Variants in ANKRD44 observed in about 807,000 individuals in gnomAD.
ANKRD44 encodes ankyrin repeat domain 44.
Under a neutral mutation model 116.0 loss-of-function variants are expected in ANKRD44, and 35 were observed. The observed-to-expected ratio is 0.30, with a 90% CI of 0.23 to 0.40. The LOEUF is 0.40. ANKRD44 is among the 10% of genes least tolerant of loss of function. The pLI is 1.00. For missense variants in ANKRD44, 1,014 were observed against 1,242.6 expected, an observed-to-expected ratio of 0.82 and a Z score of 2.77; for synonymous variants, 435 against 461.8, an observed-to-expected ratio of 0.94 and a Z score of 0.74.
intron 16 of ANKRD44, among the ~76,000 whole-genome samples, chr2:197,040,147 G>A (rs970316593): frequency 1.3e-5 from 2 of 150,248 alleles, no homozygotes; most frequent in Admixed American, 6.7e-5. Flanking sequence ...GCTGAGGCAG[G>A]AGAATCACTT....
chr2:197,070,247 A>T (rs950224941), intron 16 of ANKRD44, among the ~76,000 whole-genome samples: 1 of 152,034 alleles, frequency 6.6e-6, no homozygotes, highest in African/African-American at 2.4e-5. Context: ...TTTCTTCCCT[A>T]ATTGTTCTGG....
intron 1 of ANKRD44, among the ~76,000 whole-genome samples, chr2:197,227,610 C>A (rs1881408): frequency 0.6 from 90,596 of 150,096 alleles, 28,866 homozygotes; most frequent in African/African-American, 0.83. Flanking sequence ...CCAAAAAAAA[C>A]AAAAATCCTT....
At chr2:197,278,864 A>G (rs2083181723) in intron 1 of ANKRD44, among the ~76,000 whole-genome samples, 1 of 152,242 alleles carries the variant, frequency 6.6e-6, no homozygotes, top group South Asian at 2.1e-4. Context: ...GAGCAGAAAC[A>G]GGCGGTGTGG....
chr2:197,047,621 G>A (rs1258511132), intron 16 of ANKRD44, among the ~76,000 whole-genome samples: 1 of 152,128 alleles, frequency 6.6e-6, no homozygotes, highest in Non-Finnish European at 1.5e-5. Context: ...GAATTTAAGA[G>A]TGTTGGTGGG....
At chr2:197,140,577 T>G (rs1272373252) in intron 3 of ANKRD44, among the ~76,000 whole-genome samples, 1 of 152,166 alleles carries the variant, frequency 6.6e-6, no homozygotes, top group Non-Finnish European at 1.5e-5. Flanking sequence ...TATTTCAGCC[T>G]TCTAATGTTC....
intron 17 of ANKRD44, among the ~76,000 whole-genome samples, chr2:197,024,388 G>T (rs900339608): frequency 6.6e-6 from 1 of 152,192 alleles, no homozygotes; most frequent in Non-Finnish European, 1.5e-5. Flanking sequence ...GCAGCACCAA[G>T]GGCACGTGAG....
intron 16 of ANKRD44, among the ~76,000 whole-genome samples, chr2:197,054,842 G>A (rs1459375590): frequency 2.0e-5 from 3 of 152,182 alleles, no homozygotes; most frequent in African/African-American, 7.2e-5. Flanking sequence ...AATGTTTAGA[G>A]GCCATAGAAT....
intron 1 of ANKRD44, among the ~76,000 whole-genome samples, chr2:197,229,530 A>G (rs2081805958): frequency 6.6e-6 from 1 of 152,210 alleles, no homozygotes; most frequent in Non-Finnish European, 1.5e-5. Flanking sequence ...AACAATAACT[A>G]GTTTCTCATT....
chr2:197,271,664 C>T (rs527520126), intron 1 of ANKRD44, among the ~76,000 whole-genome samples: 79 of 152,286 alleles, frequency 5.2e-4, no homozygotes, highest in East Asian at 7.7e-4. Context: ...GAGACAGGGT[C>T]TCGCTCTGTT....
rs148609309 is a variant in ANKRD44, at chr2:197,141,046, G to A, written c.191-4384C>T. 3.9e-3 allele frequency among the ~76,000 whole-genome samples: 587 copies of A among 152,018 alleles called. 5 individuals carry two copies. The highest frequency in any genetic ancestry group is 0.013 in the African/African-American group (533 of 41,368). ...AACCTGGCCAACATGGTGAAACCCCGTCTCCACTAAAGATACAAAAATTAG... is the reference window on the plus strand; with the variant it reads ...AACCTGGCCAACATGGTGAAACCCCATCTCCACTAAAGATACAAAAATTAG... On this transcript the variant is annotated intron_variant, in intron 3 of 27. Coordinates refer to ENST00000282272, the MANE Select transcript of ANKRD44 (RefSeq NM_001195144.2).
intron 9 of ANKRD44, among the ~76,000 whole-genome samples, chr2:197,109,065 C>T (rs1370380247): frequency 2.0e-5 from 3 of 152,122 alleles, no homozygotes; most frequent in Non-Finnish European, 1.5e-5. Flanking sequence ...GATGAACCTG[C>T]GGGGAAGGCA....
chr2:197,138,477 C>T (rs1389884625), intron 3 of ANKRD44, among the ~76,000 whole-genome samples: 1 of 152,178 alleles, frequency 6.6e-6, no homozygotes, highest in East Asian at 1.9e-4. Flanking sequence ...AATAAAATTA[C>T]CACTACCAAA....
rs114681078 is a variant in ANKRD44 at position 197,138,252 on chromosome 2, A to C, written c.191-1590T>G. Among the ~76,000 whole-genome samples the C allele has an allele frequency of 6.3e-3, 959 of 152,316 alleles. 2 individuals carry two copies. Among genetic ancestry groups the C allele is most frequent in the Middle Eastern group, 0.02 (6 of 294 alleles). ...ACCTCCAATGTCTCATTCACCTCTAAATCTATGACTCAGATTTCCAAAGGA... is the reference window on the plus strand; with the variant it reads ...ACCTCCAATGTCTCATTCACCTCTACATCTATGACTCAGATTTCCAAAGGA... On this transcript the variant is annotated intron_variant, in intron 3 of 27. Transcript: ENST00000282272.
chr2:197,052,411 C>G (rs1436575040), intron 16 of ANKRD44, among the ~76,000 whole-genome samples: 3 of 152,148 alleles, frequency 2.0e-5, no homozygotes, highest in Non-Finnish European at 4.4e-5. Context: ...AAGAAAACCT[C>G]TAGCCATTTT....
intron 16 of ANKRD44, among the ~76,000 whole-genome samples, chr2:197,049,001 TCATATC>T (rs2077055788): frequency 6.6e-6 from 1 of 152,238 alleles, no homozygotes; most frequent in Non-Finnish European, 1.5e-5. Context: ...AAGTGTCTGT[TCATATC>T]CTTTAGCCAC....
At chr2:197,206,556 G>A (rs1425484788) in intron 1 of ANKRD44, among the ~76,000 whole-genome samples, 1 of 152,040 alleles carries the variant, frequency 6.6e-6, no homozygotes, top group African/African-American at 2.4e-5. Flanking sequence ...GGTGGCACAC[G>A]CCTGTAATCC....
At chr2:197,074,661 T>C (rs556923531) in intron 16 of ANKRD44, among the ~76,000 whole-genome samples, 5 of 152,248 alleles carry the variant, frequency 3.3e-5, no homozygotes, top group Non-Finnish European at 5.9e-5. Flanking sequence ...AATACTTTTG[T>C]AGAGACAAGG....
chr2:196,991,167 G>A (rs193179846), intron 27 of ANKRD44, among the ~76,000 whole-genome samples: 40 of 152,296 alleles, frequency 2.6e-4, no homozygotes, highest in African/African-American at 8.9e-4. Flanking sequence ...ATATGACTAT[G>A]ACAAGCACAA....
At chr2:196,989,942 G>A in intron 27 of ANKRD44, 1 of 1,071,682 alleles carries the variant, frequency 9.3e-7, no homozygotes. Context: ...TCAAAGTTTT[G>A]GTGCAATATA....
Sources: allele counts gnomAD v4.1 joint callset (sites outside exome capture counted in the v4.1 genomes callset), GRCh38; gene constraint gnomAD v4.1.1; transcripts MANE v1.5; gene names NCBI Gene and HGNC (gene_info 2026-07-23, HGNC 2026-07-21).